Variants in NCK1 observed in about 807,000 individuals in gnomAD.
NCK1 encodes the protein SH2/SH3 adapter protein NCK1.
A neutral mutation model predicts 36.6 loss-of-function variants in NCK1; 19 were observed. The ratio of observed to expected loss-of-function variants is 0.52; its 90% CI spans 0.36 to 0.76. The LOEUF (loss-of-function observed/expected upper bound fraction) is 0.76. NCK1 is among the 30% of genes least tolerant of loss of function. NCK1 has a pLI of 0.00. For missense variants in NCK1, 358 were observed against 445.6 expected (o/e 0.80, Z 1.77); for synonymous variants, 165 against 156.0 (o/e 1.06, Z -0.43).
chr3:136,936,900 A>C (rs538060869), intron 2 of NCK1, among the ~76,000 whole-genome samples: 2 of 152,270 alleles, frequency 1.3e-5, no homozygotes, highest in Admixed American at 1.3e-4. Context: ...TGATTTGCAA[A>C]TATTCTCTTC....
At position 136,880,259 on chromosome 3, in the gene NCK1, G is replaced by T. The variant is rs531875460; in HGVS notation, c.-19+17906G>T. On this transcript the variant is annotated intron_variant, in intron 1 of 3. Transcript: ENST00000481752. ...GAGATCATGCCACTGCACTCCAGCCGGGGTGACAGAGCGAGACTCCGTCTC... is the reference window on the plus strand; with the variant it reads ...GAGATCATGCCACTGCACTCCAGCCTGGGTGACAGAGCGAGACTCCGTCTC... Among the ~76,000 whole-genome samples, 283 of 151,960 alleles carry T rather than the reference G, an allele frequency of 1.9e-3. 1 individual carries two copies. The highest frequency in any genetic ancestry group is 6.5e-3 in the African/African-American group (269 of 41,472).
At chr3:136,903,039 G>A (rs113123946) in intron 1 of NCK1, among the ~76,000 whole-genome samples, 5 of 152,326 alleles carry the variant, frequency 3.3e-5, no homozygotes, top group African/African-American at 9.6e-5. Flanking sequence ...AATGCTCACA[G>A]TGGGGTGCTG....
At chr3:136,941,381 T>C (rs9842400) in intron 2 of NCK1, among the ~76,000 whole-genome samples, 103,597 of 151,920 alleles carry the variant, frequency 0.68, 35,621 homozygotes, top group East Asian at 0.87. Context: ...CCGCCCACCT[T>C]GGCCTCCCAA....
intron 1 of NCK1, among the ~76,000 whole-genome samples, chr3:136,872,533 G>C (rs1298509711): frequency 1.3e-5 from 2 of 152,226 alleles, no homozygotes; most frequent in Non-Finnish European, 2.9e-5. Flanking sequence ...TTTCTGAGGA[G>C]AAATTCAAGC....
chr3:136,893,094 G>C (rs1201474110), intron 1 of NCK1, among the ~76,000 whole-genome samples: 1 of 149,632 alleles, frequency 6.7e-6, no homozygotes, highest in Admixed American at 6.7e-5. Context: ...TTCCATCCAG[G>C]CTGCTGCAAA....
At position 136,875,358 on chromosome 3, in the gene NCK1, A is replaced by C. The variant is rs556244024; in HGVS notation, c.-19+13005A>C. 2.0e-4 allele frequency among the ~76,000 whole-genome samples: 30 copies of C among 152,236 alleles called. No homozygotes were observed. In the East Asian group the frequency reaches 5.4e-3, roughly 27 times the overall value. On this transcript the variant is annotated intron_variant, in intron 1 of 3. Transcript: ENST00000481752. ...TTTGACTTCCTCTTTTCCTAATTGA[A>C]TACCCTTTATTTCCTTCTCCTGCCT...
intron 2 of NCK1, among the ~76,000 whole-genome samples, chr3:136,945,173 A>T (rs1034714119): frequency 9.9e-5 from 15 of 152,228 alleles, no homozygotes; most frequent in African/African-American, 3.6e-4. Context: ...TATACAGCTC[A>T]TTGTAGAATC....
chr3:136,877,390 G>A (rs951132024), intron 1 of NCK1, among the ~76,000 whole-genome samples: 4 of 152,124 alleles, frequency 2.6e-5, no homozygotes, highest in East Asian at 1.9e-4. Flanking sequence ...TGAGAAATTC[G>A]GGGATTAGAG....
intron 1 of NCK1, among the ~76,000 whole-genome samples, chr3:136,916,787 A>G (rs1939977131): frequency 6.6e-6 from 1 of 152,162 alleles, no homozygotes; most frequent in Non-Finnish European, 1.5e-5. Context: ...TAATTTTGAT[A>G]CTCAATAAAA....
intron 1 of NCK1, among the ~76,000 whole-genome samples, chr3:136,925,231 G>A (rs1017498104): frequency 6.6e-6 from 1 of 152,288 alleles, no homozygotes; most frequent in South Asian, 2.1e-4. Context: ...TAGGTAAAGT[G>A]TGGTATTTCA....
At chr3:136,887,005 G>A (rs945964393) in intron 1 of NCK1, among the ~76,000 whole-genome samples, 5 of 151,790 alleles carry the variant, frequency 3.3e-5, no homozygotes, top group African/African-American at 1.2e-4. Context: ...CACCATGCCC[G>A]GCTAATTTTT....
intron 1 of NCK1, among the ~76,000 whole-genome samples, chr3:136,894,251 T>C (rs1366910019): frequency 6.6e-6 from 1 of 152,258 alleles, no homozygotes; most frequent in South Asian, 2.1e-4. Flanking sequence ...AGATTTTAAA[T>C]TGTGGGGATA....
chr3:136,905,019 T>TC (rs1463057372), intron 1 of NCK1, among the ~76,000 whole-genome samples: 1 of 150,542 alleles, frequency 6.6e-6, no homozygotes, highest in Non-Finnish European at 1.5e-5. Context: ...TTTTTTTTTT[T>TC]TTTTTCTTTT....
intron 1 of NCK1, among the ~76,000 whole-genome samples, chr3:136,919,737 G>A (rs1289655620): frequency 6.6e-6 from 1 of 152,118 alleles, no homozygotes; most frequent in Non-Finnish European, 1.5e-5. Context: ...TGTAAACTGA[G>A]GAAGGGTACT....
intron 1 of NCK1, among the ~76,000 whole-genome samples, chr3:136,869,907 G>T (rs1938557416): frequency 6.6e-6 from 1 of 151,836 alleles, no homozygotes; most frequent in South Asian, 2.1e-4. Context: ...TGTAAGTAAT[G>T]ATTGCTGAAT....
chr3:136,936,353 A>G (rs763952081), intron 2 of NCK1, among the ~76,000 whole-genome samples: 27 of 152,144 alleles, frequency 1.8e-4, no homozygotes, highest in African/African-American at 5.5e-4. Context: ...CTGAATAACT[A>G]TTATATGTAT....
intron 3 of NCK1, 55 bp downstream of exon 3, chr3:136,946,350 A>T: frequency 6.9e-7 from 1 of 1,450,460 alleles, no homozygotes; most frequent in Admixed American, 2.0e-5. Flanking sequence ...TTTAAAAAAA[A>T]GAGAGAGAGA....
intron 1 of NCK1, among the ~76,000 whole-genome samples, chr3:136,884,457 T>C (rs890632561): frequency 2.6e-5 from 4 of 152,246 alleles, no homozygotes; most frequent in Non-Finnish European, 5.9e-5. Flanking sequence ...TTTCTTTTTT[T>C]TTGAAACACG....
intron 1 of NCK1, among the ~76,000 whole-genome samples, chr3:136,869,019 C>G (rs114598567): frequency 6.6e-6 from 1 of 151,946 alleles, no homozygotes; most frequent in African/African-American, 2.4e-5. Flanking sequence ...ATGCGGAGCC[C>G]CTGAGTCCAG....
Sources: allele counts gnomAD v4.1 joint callset (sites outside exome capture counted in the v4.1 genomes callset), GRCh38; gene constraint gnomAD v4.1.1; transcripts MANE v1.5; gene names NCBI Gene and HGNC (gene_info 2026-07-23, HGNC 2026-07-21).